The following TAF13 variants were observed in gnomAD, a reference collection of about 807,000 sequenced individuals.
TAF13 encodes the protein TATA-box binding protein associated factor 13, also known as transcription initiation factor TFIID subunit 13.
Under a neutral mutation model 18.7 loss-of-function variants are expected in TAF13, and 9 were observed. The observed-to-expected ratio is 0.48, with a 90% confidence interval of 0.29 to 0.84. The LOEUF is 0.84. Among genes scored for constraint, TAF13 ranks in the 40% least tolerant of loss-of-function variants. The pLI is 0.08. For missense variants in TAF13, 105 were observed against 146.5 expected, an observed-to-expected ratio of 0.72 and a Z score of 1.46; for synonymous variants, 49 against 44.1, an observed-to-expected ratio of 1.11 and a Z score of -0.44.
intron 2 of TAF13, among the ~76,000 whole-genome samples, chr1:109,074,379 A>C (rs1664142596): frequency 6.6e-6 from 1 of 152,126 alleles, no homozygotes; most frequent in Non-Finnish European, 1.5e-5. Flanking sequence ...TGAAGGCAGC[A>C]TGCTCGTTAA....
chr1:109,066,826 TCTC>T (rs1281181504), intron 2 of TAF13, among the ~76,000 whole-genome samples: 1 of 152,052 alleles, frequency 6.6e-6, no homozygotes, highest in African/African-American at 2.4e-5. Context: ...TTCACACCAT[TCTC>T]CTGCCTCAGC....
chr1:109,073,868 T>TCTGGGATGTGAGGAGCG, intron 2 of TAF13, among the ~76,000 whole-genome samples: 1 of 150,214 alleles, frequency 6.7e-6, no homozygotes, highest in African/African-American at 2.5e-5. Flanking sequence ...GGCCGCCCCG[T>TCTGGGATGTGAGGAGCG]CTGGGATGTG....
At position 109,075,866 on chromosome 1, in the gene TAF13, A is replaced by C. The variant is rs191999276; in HGVS notation, c.27+55T>G. 1.4e-5 allele frequency: 23 copies of C among 1,612,114 alleles called. No homozygotes were observed. In the East Asian group the frequency reaches 1.8e-4, roughly 12 times the overall value. ...CCCGATCCTGAACTCTGCCTCCGCT[A>C]CTGAGCCCGAAGGAGTGAAGAAAAG... is the stretch of plus-strand genomic sequence containing the variant. On this transcript the variant is annotated intron_variant, in intron 1 of 3. Transcript: ENST00000338366.
At chr1:109,064,757 C>G in intron 3 of TAF13, 64 bp from the exon 4 acceptor site, 3 of 1,306,222 alleles carry the variant, frequency 2.3e-6, no homozygotes, top group Non-Finnish European at 3.0e-6. Flanking sequence ...TTTTAATTTG[C>G]ATTTATTAAT....
At chr1:109,073,672 TG>T (rs1035747381) in intron 2 of TAF13, among the ~76,000 whole-genome samples, 2 of 152,184 alleles carry the variant, frequency 1.3e-5, no homozygotes, top group African/African-American at 2.4e-5. Flanking sequence ...CAGTGCTCAA[TG>T]CTGCCCAGGC....
intron 2 of TAF13, among the ~76,000 whole-genome samples, chr1:109,069,279 G>A (rs757200576): frequency 1.2e-4 from 19 of 152,024 alleles, no homozygotes; most frequent in South Asian, 2.1e-4. Flanking sequence ...AGGACCTCCC[G>A]TGGATACCAA....
chr1:109,073,451 C>G (rs943841145), intron 2 of TAF13, among the ~76,000 whole-genome samples: 1 of 152,162 alleles, frequency 6.6e-6, no homozygotes, highest in African/African-American at 2.4e-5. Context: ...CCTCTGTTGC[C>G]GAGGCTGGAC....
At chr1:109,070,062 G>A (rs969986075) in intron 2 of TAF13, among the ~76,000 whole-genome samples, 4 of 152,026 alleles carry the variant, frequency 2.6e-5, no homozygotes, top group Non-Finnish European at 5.9e-5. Context: ...AATTAACATC[G>A]GTACAGGTAC....
chr1:109,074,906 C>G, intron 2 of TAF13, 81 bp downstream of exon 2: 4 of 1,057,076 alleles, frequency 3.8e-6, no homozygotes, highest in Non-Finnish European at 5.6e-6. Flanking sequence ...GGGAAACATT[C>G]AAAGCAATAA....
chr1:109,065,528 A>T (rs1663936838), intron 3 of TAF13, among the ~76,000 whole-genome samples: 1 of 149,952 alleles, frequency 6.7e-6, no homozygotes. Context: ...CGTATCTTTA[A>T]ATACTGGAAA....
Position 109,069,096 on chromosome 1 carries a change from A to G in TAF13, c.107-2864T>C, listed in dbSNP as rs1002913669. Among the ~76,000 whole-genome samples the G allele has an allele frequency of 9.8e-5, 15 of 152,324 alleles. No homozygotes were observed. In the East Asian group the frequency reaches 2.9e-3, roughly 29 times the overall value. ...CATGGGCATTTTTCTGGGAATAATT[A>G]TAACTTTTATCAGATTATCAAAGGG... On this transcript the variant is annotated intron_variant, in intron 2 of 3. Transcript: ENST00000338366.
intron 2 of TAF13, among the ~76,000 whole-genome samples, chr1:109,066,825 T>C (rs1308975599): frequency 6.6e-6 from 1 of 152,104 alleles, no homozygotes; most frequent in African/African-American, 2.4e-5. Flanking sequence ...GTTCACACCA[T>C]TCTCCTGCCT....
chr1:109,064,744 C>T, intron 3 of TAF13, 51 bp from the exon 4 acceptor site: 1 of 1,353,842 alleles, frequency 7.4e-7, no homozygotes, highest in Non-Finnish European at 9.6e-7. Context: ...TAATATTTTA[C>T]TGTTTTAATT....
At chr1:109,071,879 G>A (rs1262269162) in intron 2 of TAF13, among the ~76,000 whole-genome samples, 1 of 150,212 alleles carries the variant, frequency 6.7e-6, no homozygotes, top group Non-Finnish European at 1.5e-5. Context: ...TTGAGCCCAG[G>A]AGGCAGAGGC....
intron 1 of TAF13, 67 bp from the exon 2 acceptor site, chr1:109,075,132 CA>C (rs1325733832): frequency 1.7e-5 from 23 of 1,360,500 alleles, no homozygotes; most frequent in Non-Finnish European, 2.1e-5. Context: ...TTAATAATGA[CA>C]TTTTTTTTTC....
intron 3 of TAF13, among the ~76,000 whole-genome samples, chr1:109,065,485 T>TCA (rs1225531273): frequency 1.3e-5 from 2 of 150,248 alleles, no homozygotes; most frequent in African/African-American, 2.5e-5. Context: ...TGAGATCCTG[T>TCA]CACACACACA....
intron 2 of TAF13, among the ~76,000 whole-genome samples, chr1:109,069,207 GTGTGTGTGTGT>G (rs1664007964): frequency 2.6e-5 from 1 of 38,334 alleles, no homozygotes; most frequent in Non-Finnish European, 8.1e-5. Context: ...GTGTGAGTGT[GTGTGTGTGTGT>G]GTGCGCACAT....
At chr1:109,069,920 C>CT (rs1486626159) in intron 2 of TAF13, among the ~76,000 whole-genome samples, 27 of 151,670 alleles carry the variant, frequency 1.8e-4, no homozygotes, top group African/African-American at 6.0e-4. Flanking sequence ...TTTTTTTTGC[C>CT]TTTTTAAAAA....
intron 2 of TAF13, among the ~76,000 whole-genome samples, chr1:109,067,245 C>T (rs1435493251): frequency 1.3e-5 from 2 of 151,950 alleles, no homozygotes; most frequent in African/African-American, 2.4e-5. Context: ...ACTGCTTGAG[C>T]TCAGGAGTTT....
Sources: allele counts gnomAD v4.1 joint callset (sites outside exome capture counted in the v4.1 genomes callset), GRCh38; gene constraint gnomAD v4.1.1; transcripts MANE v1.5; gene names NCBI Gene and HGNC (gene_info 2026-07-23, HGNC 2026-07-21).